RCBTB2: variants seen among roughly 807,000 people sequenced by gnomAD.
RCBTB2 encodes the protein RCC1 and BTB domain-containing protein 2.
RCBTB2 carries 55 observed loss-of-function variants against 65.4 expected under a neutral mutation model. The ratio of observed to expected loss-of-function variants is 0.84; its 90% confidence interval spans 0.68 to 1.05. The LOEUF is 1.05. Ranked by LOEUF, RCBTB2 falls within the 50% of genes least tolerant of loss-of-function variation. RCBTB2 has a pLI of 0.00. For synonymous variants in RCBTB2, 220 were observed against 255.2 expected (o/e 0.86, Z 1.31); for missense variants, 599 against 680.1 (o/e 0.88, Z 1.33).
Position 48,496,327 on chromosome 13 carries a change from G to T in RCBTB2, c.1385-6C>A. Reference sequence around the variant, plus strand: ...TGTAGCCAAGTCTAGCAGTCCTGGCGGAAAGAGGTGTTTATTAGGGGGAGT... The same window carrying T: ...TGTAGCCAAGTCTAGCAGTCCTGGCTGAAAGAGGTGTTTATTAGGGGGAGT... On this transcript the variant is annotated splice_region_variant and splice_polypyrimidine_tract_variant and intron_variant, in intron 13 of 14. Transcript: ENST00000344532. 6.5e-7 allele frequency: 1 copy of T among 1,547,198 alleles called. No individual in the cohort carries two copies. Among genetic ancestry groups the T allele is most frequent in the South Asian group, 1.2e-5 (1 of 81,332 alleles).
Position 48,501,831 on chromosome 13 carries a change from C to G in RCBTB2, c.1155G>C (p.Lys385Asn), listed in dbSNP as rs774134515. 2.9e-5 allele frequency: 46 copies of G among 1,613,874 alleles called. No individual in the cohort carries two copies. The highest frequency in any genetic ancestry group is 3.8e-5 in the Non-Finnish European group (45 of 1,179,862). Residue 385 changes from lysine to asparagine, a missense_variant, in exon 12 of 15, where the codon AAG (lysine) becomes AAC (asparagine). Transcript: ENST00000344532. Reference protein sequence around the residue: ...DDHLTVAESLKREFDNPDTAD... With the variant: ...DDHLTVAESLNREFDNPDTAD... The stretch of plus-strand genomic sequence containing the variant: ...CAGTGTCCGGGTTGTCAAATTCCCT[C>G]TTCAGTGACTCAGCCACTGTGAGGT...
chr13:48,498,135 T>C (rs537883236), intron 13 of RCBTB2, among the ~76,000 whole-genome samples: 1 of 152,286 alleles, frequency 6.6e-6, no homozygotes, highest in East Asian at 1.9e-4. Flanking sequence ...TGGGGGTGGA[T>C]AGAGCTTGGA....
At chr13:48,510,887 G>A in intron 9 of RCBTB2, 116 bp from the exon 10 acceptor site, 2 of 1,030,878 alleles carry the variant, frequency 1.9e-6, no homozygotes, top group Non-Finnish European at 2.8e-6. Context: ...CTACCCGTAG[G>A]AGAGGCAAGC....
chr13:48,529,884 T>C (rs1952010805), intron 1 of RCBTB2, among the ~76,000 whole-genome samples: 1 of 152,166 alleles, frequency 6.6e-6, no homozygotes, highest in Non-Finnish European at 1.5e-5. Flanking sequence ...TTTTAATCTG[T>C]AGCAATATTT....
At position 48,496,230 on chromosome 13, in the gene RCBTB2, G is replaced by T; in HGVS notation, c.1476C>A (p.Ala492=). ...TCACCGCAGCCGAGAGCAGAGCGATGGCATTCTCCTCGCAGATGCCTTGCT... is the reference window on the plus strand; with the variant it reads ...TCACCGCAGCCGAGAGCAGAGCGATTGCATTCTCCTCGCAGATGCCTTGCT... The part of the protein sequence containing the change: ...TIKQGICEEN[A]IALLSAAVKY... The change falls in exon 14 of 15, where the codon GCC becomes GCA. Residue 492 remains alanine, a synonymous_variant. Coordinates refer to ENST00000344532, the MANE Select transcript of RCBTB2 (RefSeq NM_001268.4). The T allele has an allele frequency of 6.3e-7, 1 of 1,587,962 alleles. No individual in the cohort carries two copies. Among genetic ancestry groups the T allele is most frequent in the South Asian group, 1.1e-5 (1 of 88,128 alleles).
chr13:48,496,785 AGAGAAGAGGGGAGGG>A (rs1323166751), intron 13 of RCBTB2, among the ~76,000 whole-genome samples: 6 of 108,162 alleles, frequency 5.5e-5, no homozygotes, highest in Admixed American at 9.5e-5. Flanking sequence ...GGAGGGGAGA[AGAGAAGAGGGGAGGG>A]GAGAGGAGGG....
At chr13:48,533,207 G>T, upstream of RCBTB2, 1 of 339,448 alleles carries the variant, frequency 2.9e-6, no homozygotes, top group Non-Finnish European at 5.8e-6. Flanking sequence ...GAGGGGGCTG[G>T]CGACGGCGTC....
rs1315301276 is a variant in RCBTB2, at chr13:48,522,389, A to G, written c.-105T>C. Reference sequence around the variant, plus strand: ...TCAATTCTCAGCTCCACAGAAGAATATATGATTTGCTAAGCTGGAAAAAAA... The same window carrying G: ...TCAATTCTCAGCTCCACAGAAGAATGTATGATTTGCTAAGCTGGAAAAAAA... On this transcript the variant is annotated 5_prime_UTR_variant, in exon 3 of 15. Coordinates refer to ENST00000344532, the MANE Select transcript of RCBTB2 (RefSeq NM_001268.4). 1 of 1,423,002 alleles carries G rather than the reference A, an allele frequency of 7.0e-7. No homozygotes were observed. The highest frequency in any genetic ancestry group is 9.5e-7 in the Non-Finnish European group (1 of 1,048,228). 88.1% of individuals were successfully genotyped at this position (1,423,002 alleles called of 1,614,324 possible).
intron 1 of RCBTB2, chr13:48,532,218 G>A (rs981629467): frequency 6.6e-6 from 1 of 152,240 alleles, no homozygotes; most frequent in African/African-American, 2.4e-5. Flanking sequence ...CGGAGCACTT[G>A]GAAAGTTTTC....
At chr13:48,508,918 T>C (rs1190073717) in intron 10 of RCBTB2, among the ~76,000 whole-genome samples, 1 of 152,172 alleles carries the variant, frequency 6.6e-6, no homozygotes, top group Non-Finnish European at 1.5e-5. Context: ...TGGGTGATCA[T>C]TCTGGATCAG....
rs1380928221 is a variant in RCBTB2 at position 48,511,957 on chromosome 13, G to C, written c.675+59C>G. On this transcript the variant is annotated intron_variant, in intron 8 of 14. Coordinates refer to ENST00000344532, the MANE Select transcript of RCBTB2 (RefSeq NM_001268.4). The stretch of plus-strand genomic sequence containing the variant: ...TCTGTTATGTGGGACATACCATACT[G>C]GCATGAGACTGATGTGGCAAACACG... The C allele has an allele frequency of 1.1e-5, 17 of 1,606,944 alleles. No homozygotes were observed. The Admixed American group carries it at 1.7e-4, about 16-fold the overall frequency.
chr13:48,508,412 GT>G (rs570095675), intron 10 of RCBTB2, among the ~76,000 whole-genome samples: 3,437 of 143,468 alleles, frequency 0.024, 129 homozygotes, highest in African/African-American at 0.08. Context: ...ATTCATCCAT[GT>G]TTTTTTTTTT....
intron 1 of RCBTB2, among the ~76,000 whole-genome samples, chr13:48,531,120 T>A (rs1380395162): frequency 6.6e-6 from 1 of 152,252 alleles, no homozygotes; most frequent in Admixed American, 6.5e-5. Flanking sequence ...TATACAAATA[T>A]GTTTTTTATC....
Position 48,515,598 on chromosome 13 carries a change from T to C in RCBTB2, c.186A>G (p.Thr62=). The change falls in exon 5 of 15, where the codon ACA becomes ACG. Residue 62 remains threonine (T), a synonymous_variant. Coordinates refer to ENST00000344532, the MANE Select transcript of RCBTB2 (RefSeq NM_001268.4). ...TCTTCAAAATTACCTCATCATTTAC[T>C]GTAGTGTATAAAACTTCATTGCCAG... The part of the protein sequence containing the change: ...GSAGNEVLYT[T]VNDEIFVLGT... 2 of 1,602,480 alleles carry C rather than the reference T, an allele frequency of 1.2e-6. No individual in the cohort carries two copies. Among genetic ancestry groups the C allele is most frequent in the Non-Finnish European group, 1.7e-6 (2 of 1,176,956 alleles).
intron 14 of RCBTB2, among the ~76,000 whole-genome samples, chr13:48,494,879 T>G (rs1479200645): frequency 4.6e-5 from 7 of 152,044 alleles, no homozygotes; most frequent in African/African-American, 1.4e-4. Context: ...TTTTTAATGT[T>G]AAGTGAAAAA....
At position 48,501,747 on chromosome 13, in the gene RCBTB2, C is replaced by T; in HGVS notation, c.1239G>A (p.Lys413=). 1.2e-6 allele frequency: 2 copies of T among 1,610,230 alleles called. No individual in the cohort carries two copies. Among genetic ancestry groups the T allele is most frequent in the African/African-American group, 1.3e-5 (1 of 74,962 alleles). The change falls in exon 12 of 15, where the codon AAG becomes AAA. Residue 413 remains lysine (K), a synonymous_variant. Coordinates refer to ENST00000344532, the MANE Select transcript of RCBTB2 (RefSeq NM_001268.4). The part of the protein sequence containing the change: ...KYIYAHKVLL[K]IRCEHFRSSL... ...TCAAATAAATGATTCCTTACCGAAT[C>T]TTGAGAAGGACTTTATGTGCATAAA...
intron 1 of RCBTB2, among the ~76,000 whole-genome samples, chr13:48,527,824 A>G (rs1451900631): frequency 6.6e-6 from 1 of 152,216 alleles, no homozygotes; most frequent in Admixed American, 6.5e-5. Flanking sequence ...ACAGTTGAAG[A>G]CTACTGAACA....
chr13:48,499,924 G>A (rs1343321932), intron 12 of RCBTB2, among the ~76,000 whole-genome samples, 164 bp from the exon 13 acceptor site: 1 of 152,170 alleles, frequency 6.6e-6, no homozygotes, highest in Non-Finnish European at 1.5e-5. Context: ...TATTCAGCAA[G>A]GCTGTATATA....
intron 10 of RCBTB2, among the ~76,000 whole-genome samples, chr13:48,508,485 C>A (rs1429439249): frequency 6.6e-6 from 1 of 151,802 alleles, no homozygotes; most frequent in African/African-American, 2.4e-5. Context: ...CTCACTGCAA[C>A]CTCCACTTCC....
Sources: gnomAD v4.1 joint callset for allele counts (sites outside exome capture counted in the v4.1 genomes callset) on GRCh38, gnomAD v4.1.1 for gene constraint, MANE v1.5 for transcripts, NCBI Gene and HGNC (gene_info 2026-07-23, HGNC 2026-07-21) for gene names.